Variants in AFF3 observed in about 807,000 individuals in gnomAD.
The protein encoded by AFF3 is ALF transcription elongation factor 3, also known as AF4/FMR2 family member 3.
A neutral mutation model predicts 129.7 loss-of-function variants in AFF3; 32 were observed. The observed-to-expected ratio is 0.25, with a 90% confidence interval of 0.19 to 0.33. The LOEUF (loss-of-function observed/expected upper bound fraction) is 0.33. Among genes scored for constraint, AFF3 ranks in the 10% least tolerant of loss-of-function variants. The pLI is 1.00. For missense variants in AFF3, 1,373 were observed against 1,592.0 expected, an observed-to-expected ratio of 0.86 and a Z score of 2.34; for synonymous variants, 644 against 635.4, an observed-to-expected ratio of 1.01 and a Z score of -0.20.
At chr2:100,119,435 A>G (rs1691863627) in intron 2 of AFF3, among the ~76,000 whole-genome samples, 1 of 152,214 alleles carries the variant, frequency 6.6e-6, no homozygotes, top group Non-Finnish European at 1.5e-5. Context: ...AGGAGTCTTC[A>G]TTGGCCTCAT....
At chr2:99,749,239 A>T (rs1390497310) in intron 9 of AFF3, among the ~76,000 whole-genome samples, 1 of 152,240 alleles carries the variant, frequency 6.6e-6, no homozygotes, top group Non-Finnish European at 1.5e-5. Context: ...CACAATATCA[A>T]AACATCAAGT....
At chr2:99,835,916 G>T (rs764946634) in intron 8 of AFF3, among the ~76,000 whole-genome samples, 3 of 152,218 alleles carry the variant, frequency 2.0e-5, no homozygotes, top group Admixed American at 6.5e-5. Flanking sequence ...AGAGGGGCAT[G>T]AGGCTCTCAT....
At chr2:100,105,109 G>C (rs1268529719) in intron 3 of AFF3, 2 of 162,574 alleles carry the variant, frequency 1.2e-5, no homozygotes, top group Admixed American at 1.3e-4. Context: ...AGTGCGGGGG[G>C]ATGCGGAGCC....
chr2:99,630,399 T>C (rs1683015940), intron 13 of AFF3, among the ~76,000 whole-genome samples: 1 of 152,054 alleles, frequency 6.6e-6, no homozygotes, highest in African/African-American at 2.4e-5. Context: ...CCTCAATAAA[T>C]TTACAACAAA....
At chr2:99,749,427 C>T (rs1212923548) in intron 9 of AFF3, among the ~76,000 whole-genome samples, 1 of 152,172 alleles carries the variant, frequency 6.6e-6, no homozygotes, top group African/African-American at 2.4e-5. Context: ...TTGGAAAAGT[C>T]GTAATAAACT....
chr2:99,811,817 C>T (rs1338575227), intron 8 of AFF3, among the ~76,000 whole-genome samples: 1 of 152,266 alleles, frequency 6.6e-6, no homozygotes, highest in African/African-American at 2.4e-5. Flanking sequence ...AAATAAGTCA[C>T]ACGCTTTATG....
intron 4 of AFF3, among the ~76,000 whole-genome samples, chr2:100,078,499 C>G (rs761691988): frequency 6.6e-6 from 1 of 152,106 alleles, no homozygotes; most frequent in African/African-American, 2.4e-5. Flanking sequence ...TTGGATTTGA[C>G]CCAAGCACAT....
chr2:99,964,320 G>A (rs1254156651), intron 7 of AFF3, among the ~76,000 whole-genome samples: 1 of 152,050 alleles, frequency 6.6e-6, no homozygotes, highest in Non-Finnish European at 1.5e-5. Context: ...AAGTGTTCAT[G>A]GAACGAATGT....
chr2:100,028,377 G>A (rs1413722746), intron 4 of AFF3, among the ~76,000 whole-genome samples: 2 of 151,936 alleles, frequency 1.3e-5, no homozygotes, highest in African/African-American at 4.8e-5. Flanking sequence ...TATGTAAGAG[G>A]GGCAAACTAG....
intron 9 of AFF3, among the ~76,000 whole-genome samples, chr2:99,744,774 T>G (rs904710254): frequency 1.3e-5 from 2 of 152,348 alleles, no homozygotes; most frequent in South Asian, 2.1e-4. Flanking sequence ...AATGTGTTTA[T>G]CCATTCATCT....
intron 8 of AFF3, among the ~76,000 whole-genome samples, chr2:99,773,401 AT>A (rs887204603): frequency 2.0e-5 from 3 of 152,184 alleles, no homozygotes; most frequent in African/African-American, 7.2e-5. Flanking sequence ...AACTCATATA[AT>A]TTTTTTTGTT....
At chr2:99,949,887 T>C (rs1461381662) in intron 7 of AFF3, among the ~76,000 whole-genome samples, 2 of 152,232 alleles carry the variant, frequency 1.3e-5, no homozygotes, top group Admixed American at 6.5e-5. Flanking sequence ...TAGGGAAATA[T>C]GTGGATTCCA....
rs775076083 is a variant in AFF3 at position 99,587,215 on chromosome 2, T to C, written c.2530A>G (p.Arg844Gly). ...KSQGEKDSSS[R>G]LATSTSNTLS... ...GTATTACTGGTGGAGGTGGCCAGTC[T>C]TGAAGAGCTGTCTTTCTCTCCCTGG... Residue 844 changes from arginine (R) to glycine (G), a missense_variant, in exon 16 of 25, where the codon AGA becomes GGA. By Grantham distance (125) the Arg-to-Gly change is moderately radical (BLOSUM62 -2). Around this residue, in one of 9 missense-constraint regions of AFF3, gnomAD observed 466 missense variants for 505.0 expected, o/e 0.92. Coordinates refer to ENST00000672756, the MANE Select transcript of AFF3 (RefSeq NM_001386135.1). The C allele has an allele frequency of 6.2e-7, 1 of 1,614,222 alleles. No homozygotes were observed. Among genetic ancestry groups the C allele is most frequent in the South Asian group, 1.1e-5 (1 of 91,080 alleles).
At chr2:99,702,231 A>G (rs1221112759) in intron 11 of AFF3, among the ~76,000 whole-genome samples, 1 of 152,234 alleles carries the variant, frequency 6.6e-6, no homozygotes, top group Non-Finnish European at 1.5e-5. Flanking sequence ...CACCAGCAAT[A>G]TGTTAGTGAG....
chr2:99,937,987 A>G (rs1257395057), intron 7 of AFF3, among the ~76,000 whole-genome samples: 1 of 152,168 alleles, frequency 6.6e-6, no homozygotes, highest in African/African-American at 2.4e-5. Flanking sequence ...CACAATCACA[A>G]AGAGATGAAT....
intron 7 of AFF3, among the ~76,000 whole-genome samples, chr2:99,865,697 AAAG>A (rs1363442767): frequency 1.3e-5 from 2 of 152,222 alleles, no homozygotes; most frequent in South Asian, 2.1e-4. Flanking sequence ...AATGTAAAAC[AAAG>A]AAGGAGACAA....
At chr2:100,051,124 C>T (rs572284035) in intron 4 of AFF3, among the ~76,000 whole-genome samples, 21 of 152,256 alleles carry the variant, frequency 1.4e-4, no homozygotes, top group African/African-American at 4.8e-4. Flanking sequence ...TTTCTTCCAC[C>T]TCAAATAGTC....
rs185442801 is a variant in AFF3 at position 100,113,293 on chromosome 2, A to T, written c.-144-7710T>A. 1.6e-4 allele frequency among the ~76,000 whole-genome samples: 24 copies of T among 152,358 alleles called. No homozygotes were observed. In the East Asian group the frequency reaches 4.0e-3, roughly 26 times the overall value. ...AGAAGTTTGAAAGGCCAAAAAGCCC[A>T]CTGTCTAGAAGATAATGCACACACA... is the stretch of plus-strand genomic sequence containing the variant. On this transcript the variant is annotated intron_variant, in intron 2 of 24. Transcript: ENST00000672756.
Position 99,554,402 on chromosome 2 carries a change from C to T in AFF3, c.3468G>A (p.Gln1156=). 1.9e-6 allele frequency: 3 copies of T among 1,614,188 alleles called. No homozygotes were observed. Among genetic ancestry groups the T allele is most frequent in the Non-Finnish European group, 1.7e-6 (2 of 1,180,036 alleles). ...TIVSIPQRIH[Q]MAANHVSITN... Reference sequence around the variant, plus strand: ...TGATGCTGACGTGGTTGGCCGCCATCTGGTGGATGCGCTGTGGGATGCTGA... The same window carrying T: ...TGATGCTGACGTGGTTGGCCGCCATTTGGTGGATGCGCTGTGGGATGCTGA... Residue 1156 remains glutamine, a synonymous_variant, in exon 24 of 25, where the codon CAG becomes CAA. Transcript: ENST00000672756.
Sources: allele counts gnomAD v4.1 joint callset (sites outside exome capture counted in the v4.1 genomes callset), GRCh38; gene constraint gnomAD v4.1.1; regional missense constraint gnomAD v4.1.1; transcripts MANE v1.5; gene names NCBI Gene and HGNC (gene_info 2026-07-23, HGNC 2026-07-21).